Variants in GDPD4 observed in about 807,000 individuals in gnomAD.
The protein encoded by GDPD4 is glycerophosphodiester phosphodiesterase domain containing 4.
A neutral mutation model predicts 67.8 loss-of-function variants in GDPD4; 60 were observed. The ratio of observed to expected loss-of-function variants is 0.88; its 90% CI spans 0.72 to 1.10. The LOEUF (loss-of-function observed/expected upper bound fraction) is 1.10. Ranked by LOEUF, GDPD4 falls within the 50% of genes least tolerant of loss-of-function variation. GDPD4 has a pLI of 0.00. For missense variants in GDPD4, 623 were observed against 613.9 expected (o/e 1.01, Z -0.16); for synonymous variants, 212 against 210.9 (o/e 1.00, Z -0.04).
intron 13 of GDPD4, among the ~76,000 whole-genome samples, chr11:77,242,096 GA>G (rs11336677): frequency 1 from 152,248 of 152,254 alleles, 76,121 homozygotes; most frequent in Non-Finnish European, 1. Context: ...TAGATAGAGG[GA>G]AATGTTTTGA....
At chr11:77,258,329 A>G (rs1349419438) in intron 11 of GDPD4, 57 bp downstream of exon 11, 1 of 1,514,432 alleles carries the variant, frequency 6.6e-7, no homozygotes, top group African/African-American at 1.4e-5. Context: ...CAGGAGCAGC[A>G]CATGATCTCT....
chr11:77,241,955 C>T (rs1381519409), intron 13 of GDPD4, among the ~76,000 whole-genome samples: 1 of 151,848 alleles, frequency 6.6e-6, no homozygotes, highest in Non-Finnish European at 1.5e-5. Context: ...ATAAATAAGT[C>T]TAACTTATAG....
chr11:77,264,425 C>A (rs1959168106), intron 10 of GDPD4, among the ~76,000 whole-genome samples: 2 of 152,004 alleles, frequency 1.3e-5, no homozygotes, highest in African/African-American at 2.4e-5. Flanking sequence ...TCACAAATCT[C>A]AAAAATTCCA....
At chr11:77,283,243 A>C (rs963497741) in intron 3 of GDPD4, among the ~76,000 whole-genome samples, 1 of 152,204 alleles carries the variant, frequency 6.6e-6, no homozygotes, top group African/African-American at 2.4e-5. Flanking sequence ...TTTCTGTAAA[A>C]TGCCTGGAAG....
chr11:77,285,713 T>C (rs947561665), intron 2 of GDPD4, among the ~76,000 whole-genome samples: 20 of 152,352 alleles, frequency 1.3e-4, no homozygotes, highest in Non-Finnish European at 1.8e-4. Context: ...ATTTGATTTA[T>C]TTCTCATTAG....
intron 11 of GDPD4, among the ~76,000 whole-genome samples, chr11:77,247,053 C>A (rs1383079524): frequency 1.3e-5 from 2 of 152,188 alleles, no homozygotes; most frequent in African/African-American, 4.8e-5. Context: ...CCTATTTCTT[C>A]TTCTTCTTCC....
intron 2 of GDPD4, 168 bp downstream of exon 2, chr11:77,287,050 C>T (rs1960022798): frequency 6.6e-6 from 1 of 152,114 alleles, no homozygotes; most frequent in African/African-American, 2.4e-5. Context: ...ATGAAGAAAG[C>T]AAGTACATGT....
Position 77,271,208 on chromosome 11 carries a change from C to G in GDPD4, c.322G>C (p.Val108Leu), listed in dbSNP as rs756752584. 4.3e-6 allele frequency: 7 copies of G among 1,612,980 alleles called. No individual in the cohort carries two copies. Among genetic ancestry groups the G allele is most frequent in the African/African-American group, 1.3e-5 (1 of 74,856 alleles). Residue 108 changes from valine to leucine, a missense_variant, in exon 7 of 17, where the codon GTG (valine) becomes CTG (leucine). Val to Leu is a conservative substitution (Grantham distance 32). Coordinates refer to ENST00000315938, the MANE Select transcript of GDPD4 (RefSeq NM_182833.3). ...GLSMQIFAPY[V>L]HLVSITVMVI... ...ATCACAGTTATGCTGACCAGGTGCA[C>G]GTAGGGAGCAAAGATCTGTGAGAAA...
In GDPD4 at chr11:77,225,427, T is replaced by A. The variant is rs11237136; in HGVS notation, c.1525+2437A>T. Among the ~76,000 whole-genome samples the A allele has an allele frequency of 3.1e-4, 47 of 152,104 alleles. No individual in the cohort carries two copies. In the East Asian group the frequency reaches 6.4e-3, roughly 21 times the overall value. Reference sequence around the variant, plus strand: ...TATTTGAAGAAATAAAGACTAAAATTATGTCCAATTTGATGAAAATTATAC... The same window carrying A: ...TATTTGAAGAAATAAAGACTAAAATAATGTCCAATTTGATGAAAATTATAC... On this transcript the variant is annotated intron_variant, in intron 16 of 16. Coordinates refer to ENST00000315938, the MANE Select transcript of GDPD4 (RefSeq NM_182833.3).
At chr11:77,297,934 G>A (rs1431817244) in intron 1 of GDPD4, among the ~76,000 whole-genome samples, 1 of 152,102 alleles carries the variant, frequency 6.6e-6, no homozygotes, top group Non-Finnish European at 1.5e-5. Flanking sequence ...ATAATATAAT[G>A]TAATAACTTC....
chr11:77,283,658 C>G (rs1384572252), intron 3 of GDPD4, among the ~76,000 whole-genome samples: 1 of 151,498 alleles, frequency 6.6e-6, no homozygotes, highest in Non-Finnish European at 1.5e-5. Context: ...AATAAGTAGG[C>G]AAAGGAAAAT....
chr11:77,260,866 T>C (rs918633252), intron 10 of GDPD4, among the ~76,000 whole-genome samples: 1 of 151,966 alleles, frequency 6.6e-6, no homozygotes, highest in South Asian at 2.1e-4. Context: ...GATGAAAGCA[T>C]AGAAAGAAGA....
chr11:77,254,918 C>T (rs1958976202), intron 11 of GDPD4, among the ~76,000 whole-genome samples: 1 of 152,166 alleles, frequency 6.6e-6, no homozygotes, highest in Non-Finnish European at 1.5e-5. Context: ...AATTTCTTCA[C>T]TATGGAAAAA....
chr11:77,227,860 T>C lies in GDPD4; in HGVS notation c.1525+4A>G, dbSNP rs781221035. ...ACAGGAGTGGGCTAGGCCTCTGACT[T>C]TACCTGTGCGAGTGCTGGAGGTTTC... On this transcript the variant is annotated splice_donor_region_variant and intron_variant, in intron 16 of 16. Transcript: ENST00000315938. 10 of 1,611,228 alleles carry C rather than the reference T, an allele frequency of 6.2e-6. No individual in the cohort carries two copies. The Admixed American group carries it at 1.2e-4, about 19-fold the overall frequency.
At position 77,227,955 on chromosome 11, in the gene GDPD4, A is replaced by G. The variant is rs774518711; in HGVS notation, c.1473-39T>C. The G allele has an allele frequency of 6.4e-5, 89 of 1,384,338 alleles. No homozygotes were observed. In the East Asian group the frequency reaches 1.5e-3, roughly 23 times the overall value. 85.8% of individuals were successfully genotyped at this position (1,384,338 alleles called of 1,614,324 possible). A position where few individuals can be genotyped will look rare whatever the true frequency, so the allele number is the denominator to read the frequency against. On this transcript the variant is annotated intron_variant, in intron 15 of 16. Coordinates refer to ENST00000315938, the MANE Select transcript of GDPD4 (RefSeq NM_182833.3). The stretch of plus-strand genomic sequence containing the variant: ...GACCATCCATGAAATGAAGGGGTCT[A>G]AAGAATCATGGTCTCTTCTAACGTT...
chr11:77,278,972 G>T (rs1014966797), intron 4 of GDPD4, among the ~76,000 whole-genome samples: 1 of 152,200 alleles, frequency 6.6e-6, no homozygotes, highest in African/African-American at 2.4e-5. Flanking sequence ...AGATACTGCT[G>T]CTGTGAAGCT....
intron 1 of GDPD4, among the ~76,000 whole-genome samples, chr11:77,289,432 G>A (rs767535519): frequency 1.6e-4 from 24 of 150,064 alleles, no homozygotes; most frequent in Non-Finnish European, 3.0e-4. Flanking sequence ...AGAGAGAGAA[G>A]GCAGGCCGGC....
intron 9 of GDPD4, among the ~76,000 whole-genome samples, 154 bp downstream of exon 9, chr11:77,268,770 A>C (rs1054188175): frequency 9.2e-5 from 14 of 152,166 alleles, no homozygotes; most frequent in Admixed American, 6.5e-5. Flanking sequence ...GGTGGCCTGG[A>C]TTCAAGTCCA....
intron 11 of GDPD4, among the ~76,000 whole-genome samples, chr11:77,248,350 G>GC (rs879474607): frequency 4.6e-4 from 70 of 150,564 alleles, no homozygotes; most frequent in Non-Finnish European, 8.9e-4. Context: ...TTACAGGCAT[G>GC]CACGATGACG....
Sources: gnomAD v4.1 joint callset for allele counts (sites outside exome capture counted in the v4.1 genomes callset) on GRCh38, gnomAD v4.1.1 for gene constraint, MANE v1.5 for transcripts, NCBI Gene and HGNC (gene_info 2026-07-23, HGNC 2026-07-21) for gene names.